TRAPPC8: variants seen among roughly 807,000 people sequenced by gnomAD.
TRAPPC8 encodes trafficking protein particle complex subunit 8.
A neutral mutation model predicts 174.3 loss-of-function variants in TRAPPC8; 54 were observed. The observed-to-expected ratio is 0.31, with a 90% confidence interval of 0.25 to 0.39. The LOEUF is 0.39. Ranked by LOEUF, TRAPPC8 falls within the 10% of genes least tolerant of loss-of-function variation. TRAPPC8 has a pLI of 1.00. For synonymous variants in TRAPPC8, 630 were observed against 579.9 expected (o/e 1.09, Z -1.24); for missense variants, 1,531 against 1,699.1 (o/e 0.90, Z 1.74).
chr18:31,940,710 G>A (rs1453626872), intron 1 of TRAPPC8, among the ~76,000 whole-genome samples: 2 of 151,908 alleles, frequency 1.3e-5, no homozygotes, highest in Admixed American at 6.6e-5. Flanking sequence ...TGTTGGCCAG[G>A]ATGGTCTCGA....
intron 19 of TRAPPC8, among the ~76,000 whole-genome samples, 187 bp downstream of exon 19, chr18:31,864,440 T>A (rs1183137115): frequency 6.6e-6 from 1 of 152,130 alleles, no homozygotes; most frequent in African/African-American, 2.4e-5. Context: ...ATAGCCTGGC[T>A]ATGACTTAAT....
In TRAPPC8 at chr18:31,909,735, G is replaced by T; in HGVS notation, c.797C>A (p.Thr266Asn). Reference protein sequence around the residue: ...NQESYEDGPCTITSNKNSDNN... With the variant: ...NQESYEDGPCNITSNKNSDNN... ...ATCAGAATTCTTATTTGAAGTTATA[G>T]TACAAGGGCCATCTTCATATGATTC... The change falls in exon 6 of 29, where the codon ACT becomes AAT. Residue 266 changes from threonine to asparagine, a missense_variant. Thr to Asn is a moderately conservative substitution (Grantham distance 65, BLOSUM62 0). Transcript: ENST00000283351. 1 of 1,596,188 alleles carries T rather than the reference G, an allele frequency of 6.3e-7. No homozygotes were observed. The highest frequency in any genetic ancestry group is 8.5e-7 in the Non-Finnish European group (1 of 1,174,208).
chr18:31,919,533 AAAATAAATAAATAAATAAATAAATAAAT>A (rs200943530), intron 2 of TRAPPC8, among the ~76,000 whole-genome samples: 4 of 115,656 alleles, frequency 3.5e-5, no homozygotes, highest in African/African-American at 1.0e-4. Context: ...ACTCAGTCTC[AAAATAAATAAATAAATAAATAAATAAAT>A]AAATAAATAA....
chr18:31,890,982 G>A (rs1438802192), intron 11 of TRAPPC8, 116 bp from the exon 12 acceptor site: 5 of 906,706 alleles, frequency 5.5e-6, no homozygotes, highest in Admixed American at 3.6e-5. Flanking sequence ...TTTAACTTAA[G>A]AGTATATGAG....
At chr18:31,936,902 TAAAAAAAAAAAAA>T (rs376783471) in intron 1 of TRAPPC8, among the ~76,000 whole-genome samples, 1 of 92,496 alleles carries the variant, frequency 1.1e-5, no homozygotes, top group Non-Finnish European at 2.0e-5. Flanking sequence ...ACTCCGTCTT[TAAAAAAAAAAAAA>T]AAAAAAAAAA....
chr18:31,897,122 GT>G lies in TRAPPC8; in HGVS notation c.1596+663del, dbSNP rs541475969. Among the ~76,000 whole-genome samples, 10 of 152,210 alleles carry G rather than the reference GT, an allele frequency of 6.6e-5. No homozygotes were observed. The East Asian group carries it at 1.9e-3, about 29-fold the overall frequency. ...CATTTAAGGAGCAAACAAAGGAGGT[GT>G]TTGATTTTGTTCCTTCGTTCTTCAG... On this transcript the variant is annotated intron_variant, in intron 11 of 28. Transcript: ENST00000283351.
rs550326646 is a variant in TRAPPC8 at position 31,876,937 on chromosome 18, T to C, written c.1729-2233A>G. Among the ~76,000 whole-genome samples the C allele has an allele frequency of 6.6e-5, 10 of 152,186 alleles. No individual in the cohort carries two copies. In the South Asian group the frequency reaches 1.7e-3, roughly 25 times the overall value. On this transcript the variant is annotated intron_variant, in intron 12 of 28. Transcript: ENST00000283351. ...AGATACCACTGCCCTGCCCAGGAAA[T>C]CTCTGCTCTTGAGTCACCACCGCAC...
Position 31,830,750 on chromosome 18 carries a change from A to G in TRAPPC8, c.*5T>C, listed in dbSNP as rs2032310811. 1 of 1,606,336 alleles carries G rather than the reference A, an allele frequency of 6.2e-7. No homozygotes were observed. On this transcript the variant is annotated 3_prime_UTR_variant, in exon 29 of 29. Coordinates refer to ENST00000283351, the MANE Select transcript of TRAPPC8 (RefSeq NM_014939.5). ...TTGTGGATTTCAGTACAAATTTCCAAGTTGTCACACATTACTGATGATGAT... is the reference window on the plus strand; with the variant it reads ...TTGTGGATTTCAGTACAAATTTCCAGGTTGTCACACATTACTGATGATGAT...
intron 10 of TRAPPC8, among the ~76,000 whole-genome samples, chr18:31,899,706 G>C (rs1227953685): frequency 6.6e-6 from 1 of 151,882 alleles, no homozygotes; most frequent in Non-Finnish European, 1.5e-5. Context: ...CAGGATTTTG[G>C]GAGGCCAAGG....
At chr18:31,877,601 A>G (rs2035221331) in intron 12 of TRAPPC8, among the ~76,000 whole-genome samples, 2 of 91,290 alleles carry the variant, frequency 2.2e-5, no homozygotes, top group Admixed American at 3.2e-4. Context: ...CAACAGGGAG[A>G]CTCCGTCTCA....
chr18:31,910,239 GCAA>G (rs2036851269), intron 5 of TRAPPC8, among the ~76,000 whole-genome samples: 1 of 151,966 alleles, frequency 6.6e-6, no homozygotes, highest in Non-Finnish European at 1.5e-5. Flanking sequence ...AATATCTAAC[GCAA>G]CGTTTATTTG....
intron 15 of TRAPPC8, 125 bp from the exon 16 acceptor site, chr18:31,870,627 T>C (rs1568068007): frequency 3.8e-6 from 4 of 1,061,906 alleles, no homozygotes; most frequent in Non-Finnish European, 5.5e-6. Flanking sequence ...CTTTATTACC[T>C]TATAAATGTC....
chr18:31,869,303 A>G (rs1011390839), intron 16 of TRAPPC8, among the ~76,000 whole-genome samples: 3 of 152,240 alleles, frequency 2.0e-5, no homozygotes, highest in African/African-American at 4.8e-5. Flanking sequence ...AAAGAGTTTC[A>G]ACTTCACCAG....
chr18:31,874,684 A>G lies in TRAPPC8; in HGVS notation c.1749T>C (p.Cys583=), dbSNP rs1332755606. 3 of 1,613,796 alleles carry G rather than the reference A, an allele frequency of 1.9e-6. No homozygotes were observed. Among genetic ancestry groups the G allele is most frequent in the Middle Eastern group, 3.3e-4 (2 of 6,062 alleles). The change falls in exon 13 of 29, where the codon TGT becomes TGC. Residue 583 remains cysteine (C), a synonymous_variant. Coordinates refer to ENST00000283351, the MANE Select transcript of TRAPPC8 (RefSeq NM_014939.5). ...KAGQKKHALR[C]YCQAMQVYKG... ...TGTAAACTTGCATGGCTTGACAATAACAGCGTAAAGCATGCTTTTTCTGTA... is the reference window on the plus strand; with the variant it reads ...TGTAAACTTGCATGGCTTGACAATAGCAGCGTAAAGCATGCTTTTTCTGTA...
Position 31,868,184 on chromosome 18 carries a change from T to C in TRAPPC8, c.2389-708A>G, listed in dbSNP as rs141747641. On this transcript the variant is annotated intron_variant, in intron 16 of 28. Coordinates refer to ENST00000283351, the MANE Select transcript of TRAPPC8 (RefSeq NM_014939.5). The stretch of plus-strand genomic sequence containing the variant: ...TGGTCATGTAGCAAAGCAGAGCTAA[T>C]TGGCTCATACTGGAGATAAACCTGA... Among the ~76,000 whole-genome samples the C allele has an allele frequency of 9.2e-5, 14 of 152,302 alleles. No homozygotes were observed. In the South Asian group the frequency reaches 1.7e-3, roughly 18 times the overall value.
At chr18:31,872,278 C>T (rs535586886) in intron 14 of TRAPPC8, among the ~76,000 whole-genome samples, 2 of 151,958 alleles carry the variant, frequency 1.3e-5, no homozygotes, top group East Asian at 1.9e-4. Context: ...TCCATTATTG[C>T]CATTCTAGGG....
At chr18:31,864,450 T>C (rs770386117) in intron 19 of TRAPPC8, among the ~76,000 whole-genome samples, 177 bp downstream of exon 19, 44 of 152,164 alleles carry the variant, frequency 2.9e-4, no homozygotes, top group Admixed American at 4.6e-4. Context: ...TATGACTTAA[T>C]GGCAATTTGC....
At chr18:31,935,316 G>C (rs1199838773) in intron 1 of TRAPPC8, among the ~76,000 whole-genome samples, 5 of 141,356 alleles carry the variant, frequency 3.5e-5, no homozygotes. Flanking sequence ...ACTCCAGCCT[G>C]GGCAACAAGA....
chr18:31,864,754 C>T lies in TRAPPC8; in HGVS notation c.2618G>A (p.Arg873Gln), dbSNP rs760427206. The change falls in exon 19 of 29, where the codon CGA (arginine) becomes CAA (glutamine). Residue 873 changes from arginine to glutamine, a missense_variant. Transcript: ENST00000283351. Reference sequence around the variant, plus strand: ...TTGAATTTCTAAATCCTGCTTCCCTCGGACTGACATACTCAAGGAATATTT... The same window carrying T: ...TTGAATTTCTAAATCCTGCTTCCCTTGGACTGACATACTCAAGGAATATTT... Reference protein sequence around the residue: ...TGKYSLSMSVRGKQDLEIQGP... With the variant: ...TGKYSLSMSVQGKQDLEIQGP... 4.7e-5 allele frequency: 76 copies of T among 1,610,638 alleles called. No homozygotes were observed. Among genetic ancestry groups the T allele is most frequent in the Non-Finnish European group, 6.2e-5 (73 of 1,178,702 alleles).
Sources: gnomAD v4.1 joint callset for allele counts (sites outside exome capture counted in the v4.1 genomes callset) on GRCh38, gnomAD v4.1.1 for gene constraint, MANE v1.5 for transcripts, NCBI Gene and HGNC (gene_info 2026-07-23, HGNC 2026-07-21) for gene names.